USP37: variants seen among roughly 807,000 people sequenced by gnomAD.
USP37 encodes ubiquitin carboxyl-terminal hydrolase 37.
Under a neutral mutation model 124.0 loss-of-function variants are expected in USP37, and 27 were observed. The observed-to-expected ratio is 0.22, with a 90% confidence interval of 0.16 to 0.30. The LOEUF (loss-of-function observed/expected upper bound fraction) is 0.30. Ranked by LOEUF, USP37 falls within the 10% of genes least tolerant of loss-of-function variation. USP37 has a pLI of 1.00. For synonymous variants in USP37, 365 were observed against 388.0 expected, an observed-to-expected ratio of 0.94 and a Z score of 0.70; for missense variants, 889 against 1,140.4, an observed-to-expected ratio of 0.78 and a Z score of 3.17.
At chr2:218,470,560 A>G (rs1306603573) in intron 20 of USP37, among the ~76,000 whole-genome samples, 1 of 152,220 alleles carries the variant, frequency 6.6e-6, no homozygotes, top group Non-Finnish European at 1.5e-5. Flanking sequence ...ATTCCTAAAC[A>G]TGGCTTCAGG....
At chr2:218,475,243 T>C (rs1444746756) in intron 19 of USP37, among the ~76,000 whole-genome samples, 1 of 152,240 alleles carries the variant, frequency 6.6e-6, no homozygotes, top group Non-Finnish European at 1.5e-5. Flanking sequence ...GTAAATATTC[T>C]ATCATTATGC....
intron 11 of USP37, among the ~76,000 whole-genome samples, chr2:218,506,097 C>T (rs1043672043): frequency 1.3e-5 from 2 of 149,668 alleles, no homozygotes; most frequent in Non-Finnish European, 3.0e-5. Context: ...TTCCTGGGCT[C>T]AAGAGATCTA....
At chr2:218,512,846 T>C (rs113579613) in intron 10 of USP37, among the ~76,000 whole-genome samples, 42 of 152,178 alleles carry the variant, frequency 2.8e-4, no homozygotes, top group African/African-American at 9.9e-4. Flanking sequence ...GCACATACAT[T>C]TTCTTCTTCC....
intron 11 of USP37, among the ~76,000 whole-genome samples, chr2:218,501,254 G>A (rs533857952): frequency 1.3e-5 from 2 of 151,980 alleles, no homozygotes; most frequent in East Asian, 1.9e-4. Context: ...TACCAAGGCT[G>A]GTTTTGAACT....
At chr2:218,462,657 T>C (rs888128112) in intron 22 of USP37, among the ~76,000 whole-genome samples, 6 of 152,162 alleles carry the variant, frequency 3.9e-5, no homozygotes, top group Non-Finnish European at 1.5e-5. Flanking sequence ...GGCAAAATTA[T>C]AATTCTTTCA....
chr2:218,493,890 C>T lies in USP37; in HGVS notation c.1472+1870G>A, dbSNP rs948679635. Among the ~76,000 whole-genome samples, 2 of 152,104 alleles carry T rather than the reference C, an allele frequency of 1.3e-5. 1 individual carries two copies. The highest frequency in any genetic ancestry group is 1.3e-4 in the Admixed American group (2 of 15,262). ...TTTCAACTGAGGCAACTTAAATTTT[C>T]CTATAAAAAAAATTTGAATGGTACG... On this transcript the variant is annotated intron_variant, in intron 14 of 25. Transcript: ENST00000258399.
chr2:218,457,024 G>T, intron 24 of USP37, 68 bp downstream of exon 24: 2 of 1,448,978 alleles, frequency 1.4e-6, no homozygotes, highest in Non-Finnish European at 1.9e-6. Context: ...TAGGCAAAGA[G>T]CAATATAATA....
intron 3 of USP37, 75 bp downstream of exon 3, chr2:218,560,745 T>C (rs1181676294): frequency 6.6e-6 from 1 of 152,008 alleles, no homozygotes; most frequent in Non-Finnish European, 1.5e-5. Flanking sequence ...AACGTTTATG[T>C]AAAACTGTCC....
intron 10 of USP37, among the ~76,000 whole-genome samples, chr2:218,522,589 C>CT (rs67852687): frequency 2.2e-4 from 31 of 140,348 alleles, no homozygotes; most frequent in East Asian, 1.4e-3. Context: ...AGTTTAGATT[C>CT]TTTTTTTTTT....
chr2:218,483,582 T>A, intron 16 of USP37, among the ~76,000 whole-genome samples: 1 of 140,396 alleles, frequency 7.1e-6, no homozygotes. Flanking sequence ...TTAACACAAG[T>A]GATCTACCAG....
At chr2:218,518,306 C>T (rs189448443) in intron 10 of USP37, among the ~76,000 whole-genome samples, 1 of 151,806 alleles carries the variant, frequency 6.6e-6, no homozygotes, top group Admixed American at 6.6e-5. Flanking sequence ...CAGAAATTTC[C>T]TTTATTTCTT....
chr2:218,489,523 C>T (rs1691796882), intron 14 of USP37, among the ~76,000 whole-genome samples: 1 of 151,782 alleles, frequency 6.6e-6, no homozygotes, highest in Admixed American at 6.6e-5. Flanking sequence ...CTTTTGTTGC[C>T]CAAGCTGGAG....
intron 20 of USP37, among the ~76,000 whole-genome samples, chr2:218,470,323 T>C (rs1340784650): frequency 6.6e-6 from 1 of 152,166 alleles, no homozygotes; most frequent in Non-Finnish European, 1.5e-5. Context: ...TTCCTAAGCA[T>C]CTCTTGAATC....
At chr2:218,486,062 C>G (rs1219043146) in intron 15 of USP37, 1 of 242,666 alleles carries the variant, frequency 4.1e-6, no homozygotes, top group African/African-American at 2.2e-5. Flanking sequence ...ATATGAACCA[C>G]TACCAAGAGT....
intron 10 of USP37, among the ~76,000 whole-genome samples, chr2:218,520,106 T>G (rs1334454662): frequency 6.6e-6 from 1 of 151,512 alleles, no homozygotes; most frequent in Non-Finnish European, 1.5e-5. Context: ...CCTGCCTAAT[T>G]TTTGTATTTT....
In USP37 at chr2:218,560,800, A is replaced by G. The variant is rs1693265775; in HGVS notation, c.-25+20T>C. The stretch of plus-strand genomic sequence containing the variant: ...GAATTCAAATTTATTTTTAACAGCT[A>G]CAAATCAAACAAAACTCACCTACAG... On this transcript the variant is annotated intron_variant, in intron 3 of 25. Coordinates refer to ENST00000258399, the MANE Select transcript of USP37 (RefSeq NM_020935.3). The G allele has an allele frequency of 6.6e-6, 1 of 151,838 alleles. No individual in the cohort carries two copies. Among genetic ancestry groups the G allele is most frequent in the African/African-American group, 2.4e-5 (1 of 41,078 alleles). 9.4% of individuals were successfully genotyped at this position (151,838 alleles called of 1,614,324 possible).
At chr2:218,543,940 C>T (rs2106040231) in intron 8 of USP37, among the ~76,000 whole-genome samples, 1 of 152,230 alleles carries the variant, frequency 6.6e-6, no homozygotes, top group Non-Finnish European at 1.5e-5. Flanking sequence ...CAAACTGAGG[C>T]AGTGGTAAGA....
chr2:218,470,295 C>T (rs1284255085), intron 20 of USP37, among the ~76,000 whole-genome samples: 1 of 152,058 alleles, frequency 6.6e-6, no homozygotes, highest in East Asian at 1.9e-4. Flanking sequence ...TCACTCCTCA[C>T]ATAAGATAAA....
chr2:218,510,490 A>G (rs562014987), intron 10 of USP37, among the ~76,000 whole-genome samples: 1 of 152,348 alleles, frequency 6.6e-6, no homozygotes, highest in East Asian at 1.9e-4. Context: ...CACTGTTACA[A>G]ATAACACAAC....
Sources: allele counts gnomAD v4.1 joint callset (sites outside exome capture counted in the v4.1 genomes callset), GRCh38; gene constraint gnomAD v4.1.1; transcripts MANE v1.5; gene names NCBI Gene and HGNC (gene_info 2026-07-23, HGNC 2026-07-21).